Variants in WDHD1 observed in about 807,000 individuals in gnomAD.
WDHD1 encodes WD repeat and HMG-box DNA-binding protein 1.
WDHD1 carries 111 observed loss-of-function variants against 135.4 expected under a neutral mutation model. That is an observed-to-expected ratio of 0.82 (90% confidence interval 0.70 to 0.96). The LOEUF is 0.96. WDHD1 is among the 40% of genes least tolerant of loss of function. The pLI is 0.00. For synonymous variants in WDHD1, 434 were observed against 439.0 expected (o/e 0.99, Z 0.14); for missense variants, 1,351 against 1,336.3 (o/e 1.01, Z -0.17).
intron 24 of WDHD1, among the ~76,000 whole-genome samples, chr14:54,952,087 A>G (rs2140154959): frequency 6.6e-6 from 1 of 152,358 alleles, no homozygotes; most frequent in East Asian, 1.9e-4. Context: ...GGCACAAGAC[A>G]GGGATGCCCT....
rs149025928 is a variant in WDHD1 at position 54,955,600 on chromosome 14, G to A, written c.3011C>T (p.Thr1004Ile). The change falls in exon 24 of 26, where the codon ACC becomes ATC. Residue 1004 changes from threonine (T) to isoleucine (I), a missense_variant. Coordinates refer to ENST00000360586, the MANE Select transcript of WDHD1 (RefSeq NM_007086.4). ...EENLKNVLSE[T>I]PAICPPQNTE... ...GTTTTGAGGAGGACATATAGCTGGG[G>A]TTTCAGATAATACATTTTTAAGATT... is the stretch of plus-strand genomic sequence containing the variant. 3.5e-5 allele frequency: 56 copies of A among 1,593,342 alleles called. No individual in the cohort carries two copies. The highest frequency in any genetic ancestry group is 4.6e-5 in the East Asian group (2 of 43,260).
intron 24 of WDHD1, among the ~76,000 whole-genome samples, chr14:54,948,781 C>T (rs1036086456): frequency 5.9e-5 from 9 of 152,184 alleles, no homozygotes; most frequent in Admixed American, 1.3e-4. Flanking sequence ...ACACCTCACA[C>T]GGCCGGGTAC....
In WDHD1 at chr14:54,962,483, A is replaced by C; in HGVS notation, c.2701+15T>G. 1 of 1,599,968 alleles carries C rather than the reference A, an allele frequency of 6.3e-7. No homozygotes were observed. The highest frequency in any genetic ancestry group is 1.1e-5 in the South Asian group (1 of 90,100). Reference sequence around the variant, plus strand: ...AAAATTTCCTTGATATTACAAATTTATAAATATTTCTCACCTGACTTAGCT... The same window carrying C: ...AAAATTTCCTTGATATTACAAATTTCTAAATATTTCTCACCTGACTTAGCT... On this transcript the variant is annotated intron_variant, in intron 21 of 25. Coordinates refer to ENST00000360586, the MANE Select transcript of WDHD1 (RefSeq NM_007086.4).
chr14:54,960,577 G>C lies in WDHD1; in HGVS notation c.2701+1921C>G, dbSNP rs116592265. Among the ~76,000 whole-genome samples, 361 of 151,286 alleles carry C rather than the reference G, an allele frequency of 2.4e-3. 4 individuals are homozygous for C. Among genetic ancestry groups the C allele is most frequent in the African/African-American group, 8.0e-3 (330 of 41,146 alleles). ...TGCAGTGGCGTGATCTCCACTTACT[G>C]CAACTCCCCACTCCTGGATTCAAGC... On this transcript the variant is annotated intron_variant, in intron 21 of 25. Transcript: ENST00000360586.
At chr14:54,955,844 T>C in intron 23 of WDHD1, 150 bp from the exon 24 acceptor site, 1 of 671,214 alleles carries the variant, frequency 1.5e-6, no homozygotes, top group Non-Finnish European at 2.1e-6. Flanking sequence ...TGTAAATAAA[T>C]AGGCAAACAC....
Position 54,941,560 on chromosome 14 carries a change from G to T in WDHD1, c.3320C>A (p.Ser1107Tyr). Residue 1107 changes from serine (S) to tyrosine (Y), a missense_variant, in exon 26 of 26, where the codon TCT (serine) becomes TAT (tyrosine). Coordinates refer to ENST00000360586, the MANE Select transcript of WDHD1 (RefSeq NM_007086.4). ...AAAATCTAAAGGTTTCTGCTTTTTA[G>T]ACAAATTCAGGTTCTCTTTTGCTTT... ...EEKAKENLNL[S>Y]KKQKPLDFST... is the part of the protein sequence containing the mutation. 1 of 1,613,822 alleles carries T rather than the reference G, an allele frequency of 6.2e-7. No homozygotes were observed. Among genetic ancestry groups the T allele is most frequent in the Non-Finnish European group, 8.5e-7 (1 of 1,179,936 alleles).
chr14:54,974,496 T>TGG (rs1566720819), intron 16 of WDHD1, among the ~76,000 whole-genome samples: 2 of 147,290 alleles, frequency 1.4e-5, no homozygotes, highest in Non-Finnish European at 3.0e-5. Flanking sequence ...TTGTTTTGTT[T>TGG]TTTTTTTTTT....
At chr14:54,972,238 G>C (rs1157123395) in intron 16 of WDHD1, among the ~76,000 whole-genome samples, 1 of 147,808 alleles carries the variant, frequency 6.8e-6, no homozygotes, top group Non-Finnish European at 1.5e-5. Flanking sequence ...TCACACCACT[G>C]CACTCCAGCC....
chr14:55,018,723 C>T (rs140897241), intron 2 of WDHD1, among the ~76,000 whole-genome samples: 275 of 152,264 alleles, frequency 1.8e-3, no homozygotes, highest in Middle Eastern at 6.8e-3. Context: ...TCTGAGCCTG[C>T]CAAGTACCTT....
chr14:55,015,122 G>A (rs1383578484), intron 2 of WDHD1, among the ~76,000 whole-genome samples: 1 of 152,108 alleles, frequency 6.6e-6, no homozygotes, highest in Non-Finnish European at 1.5e-5. Context: ...CAACTGGCCT[G>A]GCATTGTCCA....
chr14:54,955,562 T>C lies in WDHD1; in HGVS notation c.3049A>G (p.Arg1017Gly). Residue 1017 changes from arginine to glycine, a missense_variant and splice_region_variant, in exon 24 of 26, where the codon AGG (arginine) becomes GGG (glycine). By Grantham distance (125) the Arg-to-Gly change is moderately radical (BLOSUM62 -2). This residue lies in a region of WDHD1 where 1,330 missense variants were observed against 1,296.1 expected (regional missense o/e 1.03). Transcript: ENST00000360586. ...TGCTAAATTTCTCTATGTACTGACCTTTGGTTTTCAGTGTTTTGAGGAGGA... is the reference window on the plus strand; with the variant it reads ...TGCTAAATTTCTCTATGTACTGACCCTTGGTTTTCAGTGTTTTGAGGAGGA... ...ICPPQNTENQ[R>G]PKTGFQMWLE... The C allele has an allele frequency of 6.4e-7, 1 of 1,563,768 alleles. No homozygotes were observed. The highest frequency in any genetic ancestry group is 8.6e-7 in the Non-Finnish European group (1 of 1,163,034).
At chr14:54,981,826 A>G in intron 15 of WDHD1, 130 bp from the exon 16 acceptor site, 2 of 509,528 alleles carry the variant, frequency 3.9e-6, no homozygotes, top group Non-Finnish European at 6.8e-6. Flanking sequence ...AGAAGCAAAT[A>G]ATCTAAGATT....
intron 21 of WDHD1, among the ~76,000 whole-genome samples, chr14:54,958,740 T>C (rs985336627): frequency 2.0e-5 from 3 of 152,218 alleles, no homozygotes; most frequent in Admixed American, 6.5e-5. Flanking sequence ...GTTCCAATAG[T>C]TGGTTCCTCC....
chr14:54,963,255 G>T (rs1263150008), intron 18 of WDHD1, 83 bp from the exon 19 acceptor site: 4 of 1,074,800 alleles, frequency 3.7e-6, no homozygotes, highest in Non-Finnish European at 5.5e-6. Context: ...TAGTAAAACT[G>T]AGACAATAGT....
chr14:54,968,562 A>G (rs992132600), intron 16 of WDHD1, among the ~76,000 whole-genome samples: 10 of 152,200 alleles, frequency 6.6e-5, no homozygotes, highest in Admixed American at 1.3e-4. Flanking sequence ...AAGGATCAAT[A>G]AAACAAAAAA....
intron 7 of WDHD1, among the ~76,000 whole-genome samples, chr14:55,003,884 G>T (rs186049628): frequency 2.0e-5 from 3 of 152,218 alleles, no homozygotes; most frequent in Admixed American, 2.0e-4. Context: ...TATTTTTTAT[G>T]TACACTGTCT....
At chr14:54,977,699 T>C (rs1350235540) in intron 16 of WDHD1, among the ~76,000 whole-genome samples, 1 of 152,182 alleles carries the variant, frequency 6.6e-6, no homozygotes, top group Non-Finnish European at 1.5e-5. Flanking sequence ...AGGGCTCTTA[T>C]ATTTGAAAAT....
At chr14:54,969,777 T>C (rs1346087430) in intron 16 of WDHD1, among the ~76,000 whole-genome samples, 5 of 152,170 alleles carry the variant, frequency 3.3e-5, no homozygotes, top group Non-Finnish European at 5.9e-5. Flanking sequence ...ATATCCTTGA[T>C]GAACACAGAT....
At position 54,989,046 on chromosome 14, in the gene WDHD1, C is replaced by T; in HGVS notation, c.1508G>A (p.Ser503Asn). The change falls in exon 13 of 26, where the codon AGC becomes AAC. Residue 503 changes from serine (S) to asparagine (N), a missense_variant. Coordinates refer to ENST00000360586, the MANE Select transcript of WDHD1 (RefSeq NM_007086.4). ...AGTTTACCTTGCTAGTTCATCAGTG[C>T]TTTCACATGCCAACAAAATAGCTTC... ...SHEAILLACESTDELASKLHC... is the reference protein window; with the variant it reads ...SHEAILLACENTDELASKLHC... 2 of 1,611,334 alleles carry T rather than the reference C, an allele frequency of 1.2e-6. No homozygotes were observed. The highest frequency in any genetic ancestry group is 1.7e-6 in the Non-Finnish European group (2 of 1,178,368).
Sources: gnomAD v4.1 joint callset for allele counts (sites outside exome capture counted in the v4.1 genomes callset) on GRCh38, gnomAD v4.1.1 for gene constraint, gnomAD v4.1.1 regional missense constraint, MANE v1.5 for transcripts, NCBI Gene and HGNC (gene_info 2026-07-23, HGNC 2026-07-21) for gene names.